The following SCHIP1 variants were observed in gnomAD, a reference collection of about 807,000 sequenced individuals.
SCHIP1 encodes the protein schwannomin-interacting protein 1.
A neutral mutation model predicts 29.7 loss-of-function variants in SCHIP1; 8 were observed. That is an observed-to-expected ratio of 0.27 (90% CI 0.16 to 0.49). The LOEUF is 0.49. SCHIP1 is among the 20% of genes least tolerant of loss of function. SCHIP1 has a pLI of 0.99. For missense variants in SCHIP1, 193 were observed against 294.6 expected, an observed-to-expected ratio of 0.66 and a Z score of 2.52; for synonymous variants, 76 against 94.9, an observed-to-expected ratio of 0.80 and a Z score of 1.16.
the SCHIP1 span, among the ~76,000 whole-genome samples, chr3:159,495,136 C>T: frequency 6.6e-6 from 1 of 152,114 alleles, no homozygotes; most frequent in Non-Finnish European, 1.5e-5. Flanking sequence ...TATGACAAAC[C>T]CACAGCCAAT....
chr3:159,853,075 G>A (rs1370464189), intron 1 of SCHIP1: 1 of 268,922 alleles, frequency 3.7e-6, no homozygotes, highest in Middle Eastern at 1.0e-3. Context: ...ATTGGGGCGG[G>A]ATCATTCAGG....
At chr3:159,745,406 C>T in the SCHIP1 span, among the ~76,000 whole-genome samples, 14 of 152,124 alleles carry the variant, frequency 9.2e-5, no homozygotes, top group African/African-American at 2.4e-4. Flanking sequence ...CTTCTTTAAG[C>T]GGGAGAGATG....
the SCHIP1 span, among the ~76,000 whole-genome samples, chr3:159,744,861 T>C: frequency 6.6e-6 from 1 of 152,132 alleles, no homozygotes; most frequent in Non-Finnish European, 1.5e-5. Flanking sequence ...GGCAGGCGCC[T>C]GTAGTCCCAG....
At chr3:159,615,424 G>A in the SCHIP1 span, among the ~76,000 whole-genome samples, 3 of 152,248 alleles carry the variant, frequency 2.0e-5, no homozygotes, top group African/African-American at 7.2e-5. Context: ...AAGACAGCCA[G>A]GTGGCTGATT....
chr3:159,782,185 AG>A, the SCHIP1 span, among the ~76,000 whole-genome samples: 1 of 152,342 alleles, frequency 6.6e-6, no homozygotes, highest in Admixed American at 6.5e-5. Context: ...GGTAGGAGGA[AG>A]CTGAGGGTGC....
At chr3:159,297,791 C>A in the SCHIP1 span, among the ~76,000 whole-genome samples, 1 of 152,100 alleles carries the variant, frequency 6.6e-6, no homozygotes, top group African/African-American at 2.4e-5. Context: ...AATGATCTTC[C>A]CCCTAGTAGC....
the SCHIP1 span, among the ~76,000 whole-genome samples, chr3:159,311,876 C>T: frequency 6.6e-6 from 1 of 152,030 alleles, no homozygotes; most frequent in Non-Finnish European, 1.5e-5. Flanking sequence ...TTAGAGTGAC[C>T]ATATAATTTA....
chr3:159,352,616 TAAAG>T, the SCHIP1 span, among the ~76,000 whole-genome samples: 1 of 152,228 alleles, frequency 6.6e-6, no homozygotes. Flanking sequence ...AGCACCACAA[TAAAG>T]AAAGATACAG....
the SCHIP1 span, among the ~76,000 whole-genome samples, chr3:159,662,190 T>G: frequency 6.6e-6 from 1 of 152,162 alleles, no homozygotes; most frequent in Non-Finnish European, 1.5e-5. Flanking sequence ...CCAATCAGAA[T>G]TAGCTTAGAC....
At chr3:159,615,809 C>T in the SCHIP1 span, among the ~76,000 whole-genome samples, 1 of 152,164 alleles carries the variant, frequency 6.6e-6, no homozygotes, top group Non-Finnish European at 1.5e-5. Flanking sequence ...AATTTGATTA[C>T]AAAAATTGAT....
chr3:159,751,795 C>A, the SCHIP1 span, among the ~76,000 whole-genome samples: 2 of 152,264 alleles, frequency 1.3e-5, no homozygotes, highest in South Asian at 4.1e-4. Flanking sequence ...ATCTGCCTGC[C>A]TTGGCCTCCC....
chr3:159,665,487 G>A, the SCHIP1 span, among the ~76,000 whole-genome samples: 5 of 152,034 alleles, frequency 3.3e-5, no homozygotes, highest in East Asian at 1.9e-4. Context: ...CATTTCACAC[G>A]GGTCAAACAC....
At chr3:159,832,998 G>A in the SCHIP1 span, among the ~76,000 whole-genome samples, 1 of 152,124 alleles carries the variant, frequency 6.6e-6, no homozygotes, top group East Asian at 1.9e-4. Flanking sequence ...CTTTATCACA[G>A]ATATGTACGT....
At chr3:159,545,716 A>T in the SCHIP1 span, among the ~76,000 whole-genome samples, 1 of 147,482 alleles carries the variant, frequency 6.8e-6, no homozygotes, top group Non-Finnish European at 1.5e-5. Flanking sequence ...TTTGTACAAT[A>T]TATTATATAT....
chr3:159,846,863 A>T (rs1711913268), intron 1 of SCHIP1, among the ~76,000 whole-genome samples: 1 of 146,174 alleles, frequency 6.8e-6, no homozygotes, highest in Non-Finnish European at 1.5e-5. Flanking sequence ...AATTTTGGAG[A>T]TAAATTTATA....
the SCHIP1 span, among the ~76,000 whole-genome samples, chr3:159,778,058 C>T: frequency 6.6e-6 from 1 of 151,972 alleles, no homozygotes; most frequent in Non-Finnish European, 1.5e-5. Context: ...GATCTTGGCT[C>T]ACTGCACCCG....
chr3:159,430,031 C>T, the SCHIP1 span, among the ~76,000 whole-genome samples: 10 of 152,160 alleles, frequency 6.6e-5, no homozygotes, highest in East Asian at 1.9e-4. Context: ...ACTCTCAGTT[C>T]CCCCCATTCC....
the SCHIP1 span, among the ~76,000 whole-genome samples, chr3:159,346,600 T>C: frequency 2.5e-4 from 38 of 152,250 alleles, no homozygotes; most frequent in African/African-American, 8.7e-4. Context: ...ACCTCAAATG[T>C]GTTGGGAGCC....
At chr3:159,594,409 A>C in the SCHIP1 span, among the ~76,000 whole-genome samples, 1 of 152,192 alleles carries the variant, frequency 6.6e-6, no homozygotes, top group Non-Finnish European at 1.5e-5. Flanking sequence ...AGATAAAGTA[A>C]AGTCAATTGA....
Sources: gnomAD v4.1 joint callset for allele counts (sites outside exome capture counted in the v4.1 genomes callset) on GRCh38, gnomAD v4.1.1 for gene constraint, MANE v1.5 for transcripts, NCBI Gene and HGNC (gene_info 2026-07-23, HGNC 2026-07-21) for gene names.